Variants in DCC observed in about 807,000 individuals in gnomAD.
DCC encodes the protein DCC netrin 1 receptor.
DCC carries 58 observed loss-of-function variants against 172.5 expected under a neutral mutation model. The ratio of observed to expected loss-of-function variants is 0.34; its 90% confidence interval spans 0.27 to 0.42. The LOEUF (loss-of-function observed/expected upper bound fraction) is 0.42, where lower values mean the gene tolerates loss of function less well. Ranked by LOEUF, DCC falls within the 10% of genes least tolerant of loss-of-function variation. The pLI is 1.00. For missense variants in DCC, 1,740 were observed against 1,791.0 expected (o/e 0.97, Z 0.51); for synonymous variants, 709 against 644.5 (o/e 1.10, Z -1.52).
intron 2 of DCC, among the ~76,000 whole-genome samples, chr18:52,873,703 T>C (rs931980278): frequency 2.0e-5 from 3 of 152,190 alleles, no homozygotes; most frequent in Admixed American, 1.3e-4. Context: ...TGCTGTCTTG[T>C]GGGTATATGA....
At chr18:53,052,271 A>T (rs1170675446) in intron 5 of DCC, among the ~76,000 whole-genome samples, 1 of 151,942 alleles carries the variant, frequency 6.6e-6, no homozygotes, top group Non-Finnish European at 1.5e-5. Flanking sequence ...ATTTATTTTC[A>T]TTTTAAATGA....
intron 5 of DCC, among the ~76,000 whole-genome samples, chr18:52,985,975 T>G (rs968809916): frequency 6.6e-6 from 1 of 152,212 alleles, no homozygotes; most frequent in Non-Finnish European, 1.5e-5. Context: ...CCTTTTAGGG[T>G]TGGCTGTTCT....
intron 1 of DCC, among the ~76,000 whole-genome samples, chr18:52,720,912 A>C (rs955004446): frequency 2.0e-5 from 3 of 152,142 alleles, no homozygotes; most frequent in African/African-American, 7.2e-5. Context: ...CTGGCAAATG[A>C]GTTCATCCTC....
intron 12 of DCC, among the ~76,000 whole-genome samples, chr18:53,232,240 T>G (rs2144617732): frequency 6.6e-6 from 1 of 152,284 alleles, no homozygotes; most frequent in South Asian, 2.1e-4. Flanking sequence ...ATTCTTAGTT[T>G]CTACAAATAT....
chr18:52,344,219 T>C (rs1038791491), intron 1 of DCC, among the ~76,000 whole-genome samples: 6 of 152,210 alleles, frequency 3.9e-5, no homozygotes, highest in Non-Finnish European at 8.8e-5. Flanking sequence ...GGAAGAGCCT[T>C]AATCCTACCT....
At chr18:52,543,987 G>A (rs1477731162) in intron 1 of DCC, among the ~76,000 whole-genome samples, 1 of 152,166 alleles carries the variant, frequency 6.6e-6, no homozygotes, top group Non-Finnish European at 1.5e-5. Flanking sequence ...AAGAAAAATT[G>A]TCAAAAATTC....
chr18:53,424,299 A>C (rs1910786134), intron 21 of DCC, among the ~76,000 whole-genome samples: 1 of 152,196 alleles, frequency 6.6e-6, no homozygotes, highest in African/African-American at 2.4e-5. Context: ...TGAAGTATGA[A>C]AAGAACTAGA....
In DCC at chr18:53,402,724, C is replaced by T. The variant is rs1599110418; in HGVS notation, c.2828-62C>T. On this transcript the variant is annotated intron_variant, in intron 18 of 28. Coordinates refer to ENST00000442544, the MANE Select transcript of DCC (RefSeq NM_005215.4). ...GAATGTCAACATCATGATGAAATTT[C>T]CAACAATGTTTATTTTCTTTCACAT... The T allele has an allele frequency of 4.3e-6, 5 of 1,166,330 alleles. No individual in the cohort carries two copies. In the Admixed American group the frequency reaches 6.9e-5, roughly 16 times the overall value. 72.2% of individuals were successfully genotyped at this position (1,166,330 alleles called of 1,614,324 possible). A position where few individuals can be genotyped will look rare whatever the true frequency, so the allele number is the denominator to read the frequency against.
At chr18:53,491,676 A>G (rs1599212528) in intron 26 of DCC, among the ~76,000 whole-genome samples, 1 of 152,096 alleles carries the variant, frequency 6.6e-6, no homozygotes, top group South Asian at 2.1e-4. Flanking sequence ...TTATGGCTGC[A>G]TTGTATTCCA....
intron 26 of DCC, among the ~76,000 whole-genome samples, chr18:53,494,149 C>T (rs894256000): frequency 6.6e-6 from 1 of 152,164 alleles, no homozygotes; most frequent in Non-Finnish European, 1.5e-5. Flanking sequence ...GAGTGAGTTT[C>T]ATAATCTTGA....
chr18:53,222,923 A>C (rs1198994884), intron 12 of DCC, among the ~76,000 whole-genome samples: 1 of 152,084 alleles, frequency 6.6e-6, no homozygotes, highest in African/African-American at 2.4e-5. Context: ...AAATTGAAGA[A>C]CCTCATCTTC....
intron 12 of DCC, among the ~76,000 whole-genome samples, chr18:53,216,693 C>G (rs958894616): frequency 3.3e-5 from 5 of 152,070 alleles, no homozygotes; most frequent in Admixed American, 6.6e-5. Context: ...TTGTCTCAGT[C>G]AAATGAATTT....
At chr18:52,927,168 T>TATATATATGTGTATATAC (rs1555682869) in intron 5 of DCC, among the ~76,000 whole-genome samples, 2 of 82,452 alleles carry the variant, frequency 2.4e-5, no homozygotes, top group Admixed American at 1.1e-4. Context: ...CGTATATATG[T>TATATATATGTGTATATAC]GTATATATGT....
intron 15 of DCC, among the ~76,000 whole-genome samples, chr18:53,354,635 G>T (rs2057855612): frequency 6.6e-6 from 1 of 151,520 alleles, no homozygotes; most frequent in Non-Finnish European, 1.5e-5. Context: ...GTAAATTTAA[G>T]TTCTTTGTAC....
At chr18:52,473,164 G>T (rs909154774) in intron 1 of DCC, among the ~76,000 whole-genome samples, 3 of 152,146 alleles carry the variant, frequency 2.0e-5, no homozygotes, top group Non-Finnish European at 4.4e-5. Context: ...TAGTGGAAAG[G>T]ACACTGAACT....
At chr18:52,458,166 G>A (rs1455181882) in intron 1 of DCC, among the ~76,000 whole-genome samples, 2 of 152,064 alleles carry the variant, frequency 1.3e-5, no homozygotes, top group Non-Finnish European at 2.9e-5. Flanking sequence ...CAAGTCCCAG[G>A]GTTTCATTCT....
chr18:52,926,918 CAT>C (rs1175221096), intron 5 of DCC, among the ~76,000 whole-genome samples: 1 of 105,120 alleles, frequency 9.5e-6, no homozygotes, highest in African/African-American at 3.3e-5. Context: ...TATACGTATA[CAT>C]ATATATGTAT....
At position 53,469,423 on chromosome 18, in the gene DCC, GA is replaced by G. The variant is rs373244953; in HGVS notation, c.3736+1415del. Among the ~76,000 whole-genome samples, 289 of 152,248 alleles carry G rather than the reference GA, an allele frequency of 1.9e-3. 3 individuals are homozygous for G. The South Asian group carries it at 0.022, about 12-fold the overall frequency. The stretch of plus-strand genomic sequence containing the variant: ...GGTTCATAGTTACACTTTATAAGAT[GA>G]ATGTCTTATATGTATTCTTACTTTT... On this transcript the variant is annotated intron_variant, in intron 25 of 28. Coordinates refer to ENST00000442544, the MANE Select transcript of DCC (RefSeq NM_005215.4).
chr18:52,522,677 T>C (rs906955775), intron 1 of DCC, among the ~76,000 whole-genome samples: 19 of 152,194 alleles, frequency 1.2e-4, no homozygotes, highest in Admixed American at 1.1e-3. Context: ...CACAGTCTAT[T>C]TGAAAGAAAG....
Sources: allele counts gnomAD v4.1 joint callset (sites outside exome capture counted in the v4.1 genomes callset), GRCh38; gene constraint gnomAD v4.1.1; transcripts MANE v1.5; gene names NCBI Gene and HGNC (gene_info 2026-07-23, HGNC 2026-07-21).